FSTL4: variants seen among roughly 807,000 people sequenced by gnomAD.
The protein encoded by FSTL4 is follistatin like 4.
A neutral mutation model predicts 78.2 loss-of-function variants in FSTL4; 28 were observed. The ratio of observed to expected loss-of-function variants is 0.36; its 90% CI spans 0.27 to 0.49. The LOEUF is 0.49. Ranked by LOEUF, FSTL4 falls within the 20% of genes least tolerant of loss-of-function variation. The pLI, the probability that FSTL4 is intolerant of heterozygous loss-of-function variation, is 0.98. For missense variants in FSTL4, 922 were observed against 1,084.9 expected (o/e 0.85, Z 2.11); for synonymous variants, 422 against 440.5 (o/e 0.96, Z 0.53).
chr5:133,200,380 C>T (rs1378134925), intron 15 of FSTL4, among the ~76,000 whole-genome samples: 1 of 152,220 alleles, frequency 6.6e-6, no homozygotes, highest in African/African-American at 2.4e-5. Context: ...ATTGGTGATG[C>T]GGGTAGGAAG....
At chr5:133,270,348 G>C (rs1264020771) in intron 6 of FSTL4, among the ~76,000 whole-genome samples, 1 of 152,092 alleles carries the variant, frequency 6.6e-6, no homozygotes. Context: ...ATTAAGTTGC[G>C]GAGAGCGTGT....
At chr5:133,800,564 C>T in the FSTL4 span, among the ~76,000 whole-genome samples, 2 of 138,712 alleles carry the variant, frequency 1.4e-5, no homozygotes, top group East Asian at 4.0e-4. Flanking sequence ...AGGGACCAAC[C>T]GCTTCCTCCT....
chr5:133,687,029 A>G, the FSTL4 span, among the ~76,000 whole-genome samples: 1 of 152,182 alleles, frequency 6.6e-6, no homozygotes, highest in African/African-American at 2.4e-5. Flanking sequence ...GCACACAACA[A>G]AACATACACA....
At chr5:133,550,048 A>C (rs886613810) in intron 3 of FSTL4, among the ~76,000 whole-genome samples, 2 of 152,180 alleles carry the variant, frequency 1.3e-5, no homozygotes, top group Admixed American at 6.5e-5. Flanking sequence ...TAACAATCAG[A>C]GTTCAAGGTC....
At chr5:133,829,301 C>T in the FSTL4 span, among the ~76,000 whole-genome samples, 10 of 152,028 alleles carry the variant, frequency 6.6e-5, no homozygotes, top group Admixed American at 6.5e-5. Context: ...GGACTTGCAT[C>T]GCTTGAACCG....
the FSTL4 span, among the ~76,000 whole-genome samples, chr5:133,634,330 T>C: frequency 1.3e-5 from 2 of 152,056 alleles, no homozygotes; most frequent in Non-Finnish European, 2.9e-5. Context: ...AAGTTTTCTG[T>C]CTTGCTAGGC....
intron 4 of FSTL4, among the ~76,000 whole-genome samples, chr5:133,327,682 G>T (rs1463123865): frequency 6.6e-6 from 1 of 152,236 alleles, no homozygotes; most frequent in Non-Finnish European, 1.5e-5. Flanking sequence ...AAGGGCTTCA[G>T]GGGGAGGAGG....
At chr5:133,325,449 C>T (rs935141072) in intron 4 of FSTL4, among the ~76,000 whole-genome samples, 1 of 152,176 alleles carries the variant, frequency 6.6e-6, no homozygotes, top group Non-Finnish European at 1.5e-5. Context: ...AGGAGTCCCC[C>T]TTTGAAGAAT....
the FSTL4 span, among the ~76,000 whole-genome samples, chr5:133,778,753 C>T: frequency 3.9e-5 from 6 of 152,312 alleles, no homozygotes; most frequent in South Asian, 2.1e-4. Context: ...TTTCGGCACT[C>T]GCAGCGCTGA....
the FSTL4 span, among the ~76,000 whole-genome samples, chr5:133,765,907 G>A: frequency 6.6e-6 from 1 of 152,204 alleles, no homozygotes; most frequent in African/African-American, 2.4e-5. Flanking sequence ...AGTCAAGAGA[G>A]CCACACTGAG....
At position 133,214,071 on chromosome 5, in the gene FSTL4, T is replaced by C. The variant is rs76587359; in HGVS notation, c.1608+3158A>G. ...TTTAAAGCAAAAATGAGTAGAACTT[T>C]GCGAAATATAGTGGAAGATGTTAAC... On this transcript the variant is annotated intron_variant, in intron 13 of 15. Transcript: ENST00000265342. Among the ~76,000 whole-genome samples the C allele has an allele frequency of 4.5e-3, 680 of 152,328 alleles. 3 individuals carry two copies. Among genetic ancestry groups the C allele is most frequent in the African/African-American group, 0.016 (653 of 41,580 alleles).
chr5:133,759,065 CA>C, the FSTL4 span, among the ~76,000 whole-genome samples: 1 of 152,176 alleles, frequency 6.6e-6, no homozygotes, highest in Non-Finnish European at 1.5e-5. Flanking sequence ...AATTCACATT[CA>C]ACGGGATGGG....
At chr5:133,726,469 C>T in the FSTL4 span, among the ~76,000 whole-genome samples, 2 of 152,148 alleles carry the variant, frequency 1.3e-5, no homozygotes, top group Non-Finnish European at 2.9e-5. Context: ...TTTATCTCAC[C>T]GAGGCACAGC....
intron 4 of FSTL4, among the ~76,000 whole-genome samples, chr5:133,381,730 C>A: frequency 6.6e-6 from 1 of 152,230 alleles, no homozygotes; most frequent in South Asian, 2.1e-4. Context: ...TTCCTTTTCA[C>A]CAAGTGGTTT....
chr5:133,627,765 A>G, the FSTL4 span, among the ~76,000 whole-genome samples: 1 of 151,540 alleles, frequency 6.6e-6, no homozygotes, highest in African/African-American at 2.4e-5. Flanking sequence ...CTACCATTTT[A>G]TTTTTTGTTC....
chr5:133,376,934 C>A (rs1755449918), intron 4 of FSTL4, among the ~76,000 whole-genome samples: 1 of 151,150 alleles, frequency 6.6e-6, no homozygotes, highest in Non-Finnish European at 1.5e-5. Flanking sequence ...GTAAAAACAG[C>A]AAGAGTCTTA....
intron 10 of FSTL4, among the ~76,000 whole-genome samples, 199 bp downstream of exon 10, chr5:133,224,951 T>C (rs1017369183): frequency 2.0e-5 from 3 of 152,092 alleles, no homozygotes; most frequent in Admixed American, 2.0e-4. Flanking sequence ...GTTTCCAGAG[T>C]TGTCTAGGTT....
chr5:133,682,392 G>A, the FSTL4 span, among the ~76,000 whole-genome samples: 1 of 152,200 alleles, frequency 6.6e-6, no homozygotes, highest in Non-Finnish European at 1.5e-5. Context: ...CGAACGCAGG[G>A]ACTGCCTTGA....
At chr5:133,204,763 G>A (rs1750439125) in intron 14 of FSTL4, among the ~76,000 whole-genome samples, 1 of 149,956 alleles carries the variant, frequency 6.7e-6, no homozygotes, top group Non-Finnish European at 1.5e-5. Flanking sequence ...TTGAACCCGG[G>A]AAGAGGAGGT....
Sources: gnomAD v4.1 joint callset for allele counts (sites outside exome capture counted in the v4.1 genomes callset) on GRCh38, gnomAD v4.1.1 for gene constraint, MANE v1.5 for transcripts, NCBI Gene and HGNC (gene_info 2026-07-23, HGNC 2026-07-21) for gene names.